PIEZO2: variants seen among roughly 807,000 people sequenced by gnomAD.
PIEZO2 encodes the protein piezo type mechanosensitive ion channel component 2.
Under a neutral mutation model 337.3 loss-of-function variants are expected in PIEZO2, and 172 were observed. The ratio of observed to expected loss-of-function variants is 0.51; its 90% CI spans 0.45 to 0.58. The LOEUF is 0.58. PIEZO2 is among the 20% of genes least tolerant of loss of function. The pLI is 0.00. For missense variants in PIEZO2, 3,028 were observed against 3,391.3 expected (o/e 0.89, Z 2.66); for synonymous variants, 1,251 against 1,228.5 (o/e 1.02, Z -0.38).
At chr18:10,904,688 G>A (rs750953033) in intron 4 of PIEZO2, among the ~76,000 whole-genome samples, 1 of 152,222 alleles carries the variant, frequency 6.6e-6, no homozygotes, top group Non-Finnish European at 1.5e-5. Flanking sequence ...GTTTTAGCCT[G>A]GATCCCAGGA....
rs963332861 is a variant in PIEZO2 at position 10,872,089 on chromosome 18, A to G, written c.330-674T>C. The stretch of plus-strand genomic sequence containing the variant: ...GCCTTCCTTATTTTGTTCAAGTGAC[A>G]TGAGATACTAGGTCACGGTTTTAGA... On this transcript the variant is annotated intron_variant, in intron 4 of 55. Transcript: ENST00000674853. The surrounding 1 kb of genome is among the most constrained non-coding windows in gnomAD (Gnocchi z 4.3). Among the ~76,000 whole-genome samples, 1 of 152,230 alleles carries G rather than the reference A, an allele frequency of 6.6e-6. No individual in the cohort carries two copies. The highest frequency in any genetic ancestry group is 6.5e-5 in the Admixed American group (1 of 15,276).
rs1439785405 is a variant in PIEZO2, at chr18:10,878,950, G to A, written c.330-7535C>T. 6.6e-6 allele frequency among the ~76,000 whole-genome samples: 1 copy of A among 152,224 alleles called. No individual in the cohort carries two copies. Among genetic ancestry groups the A allele is most frequent in the Non-Finnish European group, 1.5e-5 (1 of 68,040 alleles). Reference sequence around the variant, plus strand: ...GGTGTGGTTAGGACTTTCAGGTGCAGAGGTGAGACTTTAAACTGAAAGCCA... The same window carrying A: ...GGTGTGGTTAGGACTTTCAGGTGCAAAGGTGAGACTTTAAACTGAAAGCCA... On this transcript the variant is annotated intron_variant, in intron 4 of 55. Transcript: ENST00000674853. The surrounding 1 kb of genome is among the most constrained non-coding windows in gnomAD (Gnocchi z 4.3).
chr18:11,098,062 G>T (rs2039308588), intron 1 of PIEZO2, among the ~76,000 whole-genome samples: 1 of 152,110 alleles, frequency 6.6e-6, no homozygotes, highest in African/African-American at 2.4e-5. Context: ...CAGAGATAGA[G>T]GCAAAGATTT....
intron 9 of PIEZO2, 33 bp downstream of exon 9, chr18:10,803,842 T>A: frequency 1.3e-6 from 2 of 1,534,990 alleles, no homozygotes; most frequent in South Asian, 2.4e-5. Context: ...ACAGAAAAAT[T>A]AGGGAACGGA....
At chr18:10,871,195 TA>T (rs1253904440) in intron 5 of PIEZO2, 57 bp downstream of exon 5, 182 of 1,462,684 alleles carry the variant, frequency 1.2e-4, no homozygotes, top group Admixed American at 6.5e-4. Context: ...TTCTGCAACT[TA>T]TTAAGGGTCA....
At chr18:10,842,459 C>T (rs1485002647) in intron 7 of PIEZO2, among the ~76,000 whole-genome samples, 5 of 152,128 alleles carry the variant, frequency 3.3e-5, no homozygotes, top group Admixed American at 1.3e-4. Flanking sequence ...TTACTTGCCT[C>T]GAGAGCCAGT....
intron 7 of PIEZO2, among the ~76,000 whole-genome samples, chr18:10,827,842 G>C (rs1478288064): frequency 6.6e-6 from 1 of 152,128 alleles, no homozygotes; most frequent in Non-Finnish European, 1.5e-5. Flanking sequence ...CTCATGTTAA[G>C]GGGCTTCTTG....
At position 10,855,368 on chromosome 18, in the gene PIEZO2, T is replaced by C. The variant is rs932122119; in HGVS notation, c.902A>G (p.Asn301Ser). 1.9e-5 allele frequency: 29 copies of C among 1,534,896 alleles called. No homozygotes were observed. The highest frequency in any genetic ancestry group is 1.1e-4 in the African/African-American group (8 of 72,996). Residue 301 changes from asparagine to serine, a missense_variant, in exon 7 of 56, where the codon AAT becomes AGT. Around this residue, in one of 5 missense-constraint regions of PIEZO2, gnomAD observed 542 missense variants for 605.6 expected, o/e 0.89. Transcript: ENST00000674853. This position sits in a 1 kb window ranked among gnomAD's most constrained non-coding sequence, Gnocchi z 4.9. Reference sequence around the variant, plus strand: ...TTTCTCTTACCTTGCATAGTAGTCATTGGGTGGAACTGCCTCTTGAAAGAA... The same window carrying C: ...TTTCTCTTACCTTGCATAGTAGTCACTGGGTGGAACTGCCTCTTGAAAGAA... ...FQFFQEAVPPNDYYARLFGIK... is the reference protein window; with the variant it reads ...FQFFQEAVPPSDYYARLFGIK...
intron 1 of PIEZO2, among the ~76,000 whole-genome samples, chr18:11,068,080 C>T (rs2038210826): frequency 6.6e-6 from 1 of 152,172 alleles, no homozygotes; most frequent in Admixed American, 6.5e-5. Flanking sequence ...CGCCACACGC[C>T]CAGCTAATTT....
chr18:10,909,346 G>T (rs1389905282), intron 4 of PIEZO2, among the ~76,000 whole-genome samples: 1 of 152,120 alleles, frequency 6.6e-6, no homozygotes, highest in Non-Finnish European at 1.5e-5. Context: ...TGGAGGGGCT[G>T]GGGGGCACTG....
intron 11 of PIEZO2, among the ~76,000 whole-genome samples, chr18:10,799,829 C>T (rs1437409555): frequency 6.7e-6 from 1 of 148,910 alleles, no homozygotes; most frequent in Non-Finnish European, 1.5e-5. Flanking sequence ...AAAAATTAGC[C>T]AGGCGTGGTG....
Position 10,682,287 on chromosome 18 carries a change from G to A in PIEZO2, c.7503C>T (p.Tyr2501=). 9 of 1,534,990 alleles carry A rather than the reference G, an allele frequency of 5.9e-6. No individual in the cohort carries two copies. The highest frequency in any genetic ancestry group is 7.0e-6 in the Non-Finnish European group (8 of 1,145,614). ...LKCWRESEKR[Y]PQPRGQKKKK... is the part of the protein sequence containing the mutation. ...TCTTCTTCTGGCCCCGTGGCTGAGG[G>A]TATCTCTGCAACAGAGAGTTCAGAC... The change falls in exon 50 of 56, where the codon TAC becomes TAT. Residue 2501 remains tyrosine, a synonymous_variant. Coordinates refer to ENST00000674853, the MANE Select transcript of PIEZO2 (RefSeq NM_001378183.1). This position sits in a 1 kb window ranked among gnomAD's most constrained non-coding sequence, Gnocchi z 5.6.
intron 1 of PIEZO2, among the ~76,000 whole-genome samples, chr18:11,066,851 C>G (rs2038171149): frequency 6.6e-6 from 1 of 152,204 alleles, no homozygotes. Context: ...CTGCCCACCT[C>G]AGCCTCCCAA....
chr18:10,679,148 G>T (rs929765646), intron 52 of PIEZO2, among the ~76,000 whole-genome samples: 3 of 152,064 alleles, frequency 2.0e-5, no homozygotes, highest in African/African-American at 7.2e-5. Context: ...TGGCCAGGCT[G>T]GTCTCAAACT....
intron 7 of PIEZO2, among the ~76,000 whole-genome samples, chr18:10,816,914 A>T (rs187318465): frequency 6.6e-6 from 1 of 152,296 alleles, no homozygotes. Flanking sequence ...AATTTTTAAA[A>T]CATTGAAGAT....
intron 4 of PIEZO2, among the ~76,000 whole-genome samples, chr18:10,875,821 AG>A (rs1427016668): frequency 3.3e-5 from 5 of 152,196 alleles, no homozygotes; most frequent in Admixed American, 2.6e-4. Context: ...TGGTCCCAAA[AG>A]AGACATTTTA....
rs968335900 is a variant in PIEZO2 at position 10,903,536 on chromosome 18, G to T, written c.329+7650C>A. 6.6e-6 allele frequency among the ~76,000 whole-genome samples: 1 copy of T among 152,062 alleles called. No individual in the cohort carries two copies. The highest frequency in any genetic ancestry group is 2.4e-5 in the African/African-American group (1 of 41,396). ...ATAAAAAAAATTAGCTGGGCATAGT[G>T]GCGCGCTCCTGTAGTCCCAGCTACT... On this transcript the variant is annotated intron_variant, in intron 4 of 55. Coordinates refer to ENST00000674853, the MANE Select transcript of PIEZO2 (RefSeq NM_001378183.1). The surrounding 1 kb of genome is among the most constrained non-coding windows in gnomAD (Gnocchi z 4.1).
chr18:11,117,197 G>A (rs1228319693), intron 1 of PIEZO2, among the ~76,000 whole-genome samples: 1 of 152,162 alleles, frequency 6.6e-6, no homozygotes, highest in Non-Finnish European at 1.5e-5. Context: ...TGAGGAGATG[G>A]ATATCCTAAA....
At position 10,979,520 on chromosome 18, in the gene PIEZO2, C is replaced by T. The variant is rs1007037628; in HGVS notation, c.286+15G>A. The T allele has an allele frequency of 6.8e-7, 1 of 1,479,880 alleles. No individual in the cohort carries two copies. The allele number at this position is 1,479,880 out of a possible 1,614,324, so 91.7% of individuals were successfully genotyped here. A position where few individuals can be genotyped will look rare whatever the true frequency, so the allele number is the denominator to read the frequency against. On this transcript the variant is annotated intron_variant, in intron 3 of 55. Coordinates refer to ENST00000674853, the MANE Select transcript of PIEZO2 (RefSeq NM_001378183.1). This position sits in a 1 kb window ranked among gnomAD's most constrained non-coding sequence, Gnocchi z 4.0. ...AATAAAAGAAAACAATAAAAGAAAA[C>T]ACCATAATACTCACAGTTGTAGCCA... is the stretch of plus-strand genomic sequence containing the variant.
Sources: gnomAD v4.1 joint callset for allele counts (sites outside exome capture counted in the v4.1 genomes callset) on GRCh38, gnomAD v4.1.1 for gene constraint, gnomAD v4.1.1 regional missense constraint, Gnocchi (gnomAD v3.1) non-coding constraint, MANE v1.5 for transcripts, NCBI Gene and HGNC (gene_info 2026-07-23, HGNC 2026-07-21) for gene names.